The following PCDHGA8 variants were observed in gnomAD, a reference collection of about 807,000 sequenced individuals.
PCDHGA8 encodes protocadherin gamma subfamily A, 8, also known as protocadherin gamma-A8.
PCDHGA8 carries 45 observed loss-of-function variants against 59.2 expected under a neutral mutation model. The ratio of observed to expected loss-of-function variants is 0.76; its 90% CI spans 0.60 to 0.98. The LOEUF (loss-of-function observed/expected upper bound fraction) is 0.98. PCDHGA8 is among the 50% of genes least tolerant of loss of function. The pLI, the probability that PCDHGA8 is intolerant of heterozygous loss-of-function variation, is 0.00. For missense variants in PCDHGA8, 1,257 were observed against 1,196.2 expected (o/e 1.05, Z -0.75); for synonymous variants, 531 against 519.0 (o/e 1.02, Z -0.32).
At chr5:141,461,507 T>C (rs1271911872) in intron 1 of PCDHGA8, among the ~76,000 whole-genome samples, 1 of 152,316 alleles carries the variant, frequency 6.6e-6, no homozygotes, top group East Asian at 1.9e-4. Context: ...TTCTTGGTGA[T>C]TTGTTAGTTC....
chr5:141,420,304 T>C, intron 1 of PCDHGA8: 1 of 1,462,822 alleles, frequency 6.8e-7, no homozygotes, highest in African/African-American at 1.4e-5. Context: ...TTTAATCCTT[T>C]TTATATTACA....
intron 1 of PCDHGA8, among the ~76,000 whole-genome samples, chr5:141,447,135 G>GT (rs905717632): frequency 9.9e-5 from 15 of 151,698 alleles, no homozygotes; most frequent in African/African-American, 3.4e-4. Flanking sequence ...TTGTTTGTTT[G>GT]TTTTTTGTTT....
chr5:141,432,093 C>A lies in PCDHGA8; in HGVS notation c.2424+36856C>A. The A allele has an allele frequency of 1.2e-6, 2 of 1,614,170 alleles. No homozygotes were observed. Among genetic ancestry groups the A allele is most frequent in the Non-Finnish European group, 1.7e-6 (2 of 1,180,046 alleles). On this transcript the variant is annotated intron_variant, in intron 1 of 3. Coordinates refer to ENST00000398604, the MANE Select transcript of PCDHGA8 (RefSeq NM_032088.2). The surrounding 1 kb of genome is among the most constrained non-coding windows in gnomAD (Gnocchi z 6.0). ...CATATCTCGCTGAACGTGGCAGACA[C>A]CAACGACAACCCGCCGGTCTTCCCT...
chr5:141,418,041 T>C lies in PCDHGA8; in HGVS notation c.2424+22804T>C, dbSNP rs764313049. The C allele has an allele frequency of 1.2e-6, 2 of 1,613,858 alleles. No individual in the cohort carries two copies. Among genetic ancestry groups the C allele is most frequent in the Non-Finnish European group, 1.7e-6 (2 of 1,179,856 alleles). On this transcript the variant is annotated intron_variant, in intron 1 of 3. Transcript: ENST00000398604. ...GATCTAGGGCTTAGTGTCCTGGATG[T>C]GTCGGCTCGCGAGCTGCGAGTGAGC... is the stretch of plus-strand genomic sequence containing the variant.
rs774288267 is a variant in PCDHGA8, at chr5:141,392,993, G to A, written c.180G>A (p.Ala60=). Residue 60 remains alanine, a synonymous_variant, in exon 1 of 4, where the codon GCG becomes GCA. Transcript: ENST00000398604. The part of the protein sequence containing the change: ...KDLGLDPRKL[A]KHGVRIVSRG... ...TGGGGCTGGACCCCCGGAAGCTGGCGAAGCACGGAGTCCGTATCGTCTCCA... is the reference window on the plus strand; with the variant it reads ...TGGGGCTGGACCCCCGGAAGCTGGCAAAGCACGGAGTCCGTATCGTCTCCA... The A allele has an allele frequency of 5.0e-6, 8 of 1,613,802 alleles. 1 individual carries two copies. In the South Asian group the frequency reaches 6.6e-5, roughly 13 times the overall value.
Position 141,486,453 on chromosome 5 carries a change from C to T in PCDHGA8, c.2425-8354C>T, listed in dbSNP as rs776820667. 6.2e-6 allele frequency: 10 copies of T among 1,614,114 alleles called. No homozygotes were observed. The highest frequency in any genetic ancestry group is 1.1e-5 in the South Asian group (1 of 91,082). On this transcript the variant is annotated intron_variant, in intron 1 of 3. Transcript: ENST00000398604. The surrounding 1 kb of genome is among the most constrained non-coding windows in gnomAD (Gnocchi z 5.0). ...TCTAGCTATGACATCATGGTCACTGCTTCTGATGCTGGGAACCCTCCTCTC... is the reference window on the plus strand; with the variant it reads ...TCTAGCTATGACATCATGGTCACTGTTTCTGATGCTGGGAACCCTCCTCTC...
chr5:141,411,743 G>A (rs2095510866), intron 1 of PCDHGA8: 2 of 152,860 alleles, frequency 1.3e-5, no homozygotes, highest in Non-Finnish European at 2.9e-5. Flanking sequence ...TTAGCAGGGT[G>A]TGGTGGCACA....
chr5:141,485,095 TC>T lies in PCDHGA8; in HGVS notation c.2425-9710del, dbSNP rs1040164730. ...GCGCGGGGAAAGGGAGATAGGTGTCTCCAGCTGCTGTGGCTGTTTGGGGCGG... is the reference window on the plus strand; with the variant it reads ...GCGCGGGGAAAGGGAGATAGGTGTCTCAGCTGCTGTGGCTGTTTGGGGCGG... On this transcript the variant is annotated intron_variant, in intron 1 of 3. Coordinates refer to ENST00000398604, the MANE Select transcript of PCDHGA8 (RefSeq NM_032088.2). This position sits in a 1 kb window ranked among gnomAD's most constrained non-coding sequence, Gnocchi z 5.7. 6.8e-5 allele frequency: 76 copies of T among 1,115,798 alleles called. No homozygotes were observed. Among genetic ancestry groups the T allele is most frequent in the South Asian group, 4.6e-4 (33 of 71,042 alleles). The allele number at this position is 1,115,798 out of a possible 1,614,324, so 69.1% of individuals were successfully genotyped here. A position where few individuals can be genotyped will look rare whatever the true frequency, so the allele number is the denominator to read the frequency against.
At position 141,491,735 on chromosome 5, in the gene PCDHGA8, G is replaced by C. The variant is rs765837152; in HGVS notation, c.2425-3072G>C. ...TCGGCGCCGCCCCGGGCGACCCCTG[G>C]GGGCGGCACTGGAGAAGCCGCCCGT... On this transcript the variant is annotated intron_variant, in intron 1 of 3. Coordinates refer to ENST00000398604, the MANE Select transcript of PCDHGA8 (RefSeq NM_032088.2). The surrounding 1 kb of genome is among the most constrained non-coding windows in gnomAD (Gnocchi z 6.9). 2.5e-6 allele frequency: 4 copies of C among 1,601,968 alleles called. No homozygotes were observed. In the South Asian group the frequency reaches 4.4e-5, roughly 18 times the overall value.
intron 1 of PCDHGA8, 59 bp downstream of exon 1, chr5:141,395,296 ATG>A: frequency 6.6e-7 from 1 of 1,524,308 alleles, no homozygotes. Flanking sequence ...GGCATAAATT[ATG>A]TTTTGAAAAA....
chr5:141,428,757 G>T (rs1216855355), intron 1 of PCDHGA8: 1 of 154,176 alleles, frequency 6.5e-6, no homozygotes, highest in Non-Finnish European at 1.4e-5. Context: ...CTTCAGGTTT[G>T]TTTGCCCACT....
At position 141,485,222 on chromosome 5, in the gene PCDHGA8, C is replaced by T; in HGVS notation, c.2425-9585C>T. On this transcript the variant is annotated intron_variant, in intron 1 of 3. Transcript: ENST00000398604. The surrounding 1 kb of genome is among the most constrained non-coding windows in gnomAD (Gnocchi z 5.7). The stretch of plus-strand genomic sequence containing the variant: ...GACAGAAATCTGGCGGTGGGCTACC[C>T]TTTTGTTCCTCTTTTACCACCTGGG... 4 of 1,614,196 alleles carry T rather than the reference C, an allele frequency of 2.5e-6. No homozygotes were observed. Among genetic ancestry groups the T allele is most frequent in the Non-Finnish European group, 2.5e-6 (3 of 1,180,020 alleles).
At chr5:141,478,234 G>C (rs762337749) in intron 1 of PCDHGA8, 21 of 1,614,082 alleles carry the variant, frequency 1.3e-5, no homozygotes, top group Non-Finnish European at 1.8e-5. Flanking sequence ...TGGGGTTTGT[G>C]GTCACAGTGT....
intron 1 of PCDHGA8, among the ~76,000 whole-genome samples, chr5:141,450,616 A>G (rs2098687684): frequency 6.6e-6 from 1 of 151,486 alleles, no homozygotes; most frequent in African/African-American, 2.4e-5. Flanking sequence ...CCTCCTGAGT[A>G]GCTGGGATTA....
chr5:141,435,792 A>G (rs2097780110), intron 1 of PCDHGA8, among the ~76,000 whole-genome samples: 1 of 152,074 alleles, frequency 6.6e-6, no homozygotes, highest in South Asian at 2.1e-4. Context: ...AGGGAAACAT[A>G]ACGTCCCAAT....
rs144695545 is a variant in PCDHGA8, at chr5:141,487,156, C to G, written c.2425-7651C>G. ...CACCACTCTCTACCTCTGTTACTCT[C>G]TTAGTGTCCTTAGAGGAAGACACTC... On this transcript the variant is annotated intron_variant, in intron 1 of 3. Transcript: ENST00000398604. This position sits in a 1 kb window ranked among gnomAD's most constrained non-coding sequence, Gnocchi z 5.0. 105 of 1,613,896 alleles carry G rather than the reference C, an allele frequency of 6.5e-5. No homozygotes were observed. In the African/African-American group the frequency reaches 1.2e-3, roughly 18 times the overall value.
chr5:141,498,703 G>A (rs961006063), intron 2 of PCDHGA8, among the ~76,000 whole-genome samples: 7 of 152,228 alleles, frequency 4.6e-5, no homozygotes, highest in Non-Finnish European at 8.8e-5. Flanking sequence ...AGGCTGAGGT[G>A]GGTGGATCAC....
At chr5:141,427,602 A>G (rs1415454468) in intron 1 of PCDHGA8, 1 of 685,668 alleles carries the variant, frequency 1.5e-6, no homozygotes, top group Non-Finnish European at 2.7e-6. Flanking sequence ...CACCCTACGC[A>G]TTGGTGAAGT....
At position 141,508,878 on chromosome 5, in the gene PCDHGA8, C is replaced by A. The variant is rs189735747; in HGVS notation, c.2573-2069C>A. The stretch of plus-strand genomic sequence containing the variant: ...GGCTGGGAAAGGCTGAAGAGGCTGA[C>A]GGCTGGAGGGGAGGGGGCGGGGCGG... On this transcript the variant is annotated intron_variant, in intron 3 of 3. Transcript: ENST00000398604. Among the ~76,000 whole-genome samples, 561 of 152,074 alleles carry A rather than the reference C, an allele frequency of 3.7e-3. 3 individuals carry two copies. The highest frequency in any genetic ancestry group is 0.012 in the African/African-American group (508 of 41,498).
Sources: allele counts gnomAD v4.1 joint callset (sites outside exome capture counted in the v4.1 genomes callset), GRCh38; gene constraint gnomAD v4.1.1; non-coding constraint Gnocchi (gnomAD v3.1); transcripts MANE v1.5; gene names NCBI Gene and HGNC (gene_info 2026-07-23, HGNC 2026-07-21).